The following ZNF124 variants were observed in gnomAD, a reference collection of about 807,000 sequenced individuals.
ZNF124 encodes zinc finger protein 124.
Under a neutral mutation model 26.6 loss-of-function variants are expected in ZNF124, and 25 were observed. The observed-to-expected ratio is 0.94, with a 90% CI of 0.68 to 1.31. The LOEUF is 1.31. Ranked by LOEUF, ZNF124 falls within the 40% of genes most tolerant of loss-of-function variation. The pLI is 0.00. For missense variants in ZNF124, 444 were observed against 422.2 expected, an observed-to-expected ratio of 1.05 and a Z score of -0.45; for synonymous variants, 129 against 133.3, an observed-to-expected ratio of 0.97 and a Z score of 0.22.
chr1:247,128,616 T>C (rs187385471), intron 3 of ZNF124, among the ~76,000 whole-genome samples: 17 of 151,360 alleles, frequency 1.1e-4, no homozygotes, highest in African/African-American at 3.6e-4. Flanking sequence ...CCACTAGGAC[T>C]TAGATTTTTT....
In ZNF124 at chr1:247,128,878, C is replaced by CCCG. The variant is rs1672281734; in HGVS notation, c.219-5008_219-5007insCGG. ...GAGGGTGGGCATTGAGTACTTCCCC[C>CCCG]AGCAGGATGGGGTGGGAGGATTCAG... On this transcript the variant is annotated intron_variant, in intron 3 of 3. Coordinates refer to the ZNF124 transcript ENST00000472531. Among the ~76,000 whole-genome samples, 5 of 131,434 alleles carry CCCG rather than the reference C, an allele frequency of 3.8e-5. 1 individual carries two copies. Among genetic ancestry groups the CCCG allele is most frequent in the Non-Finnish European group, 6.9e-5 (4 of 58,350 alleles). The allele number at this position is 131,434 out of a possible 152,430, so 86.2% of individuals were successfully genotyped here. A position where few individuals can be genotyped will look rare whatever the true frequency, so the allele number is the denominator to read the frequency against.
intron 3 of ZNF124, chr1:247,138,870 G>A: frequency 2.5e-6 from 1 of 396,348 alleles, no homozygotes. Context: ...GGGCAAACCT[G>A]CCTTCCGTTC....
chr1:247,166,173 T>C (rs2103134778), intron 1 of ZNF124, among the ~76,000 whole-genome samples: 1 of 152,188 alleles, frequency 6.6e-6, no homozygotes, highest in East Asian at 1.9e-4. Flanking sequence ...AGCAAGACAC[T>C]GCCTCAAAAA....
intron 3 of ZNF124, among the ~76,000 whole-genome samples, chr1:247,142,292 C>T (rs1672648867): frequency 6.6e-6 from 1 of 152,106 alleles, no homozygotes; most frequent in Non-Finnish European, 1.5e-5. Flanking sequence ...AATAACAGAA[C>T]CTGTGGTGGT....
chr1:247,151,964 AAT>A (rs1354468358), downstream of ZNF124, among the ~76,000 whole-genome samples: 1 of 152,058 alleles, frequency 6.6e-6, no homozygotes, highest in African/African-American at 2.4e-5. Flanking sequence ...GTTAGAGATC[AAT>A]ATAGTGTCCA....
chr1:247,139,380 T>G (rs1377079694), intron 3 of ZNF124, among the ~76,000 whole-genome samples: 1 of 152,238 alleles, frequency 6.6e-6, no homozygotes, highest in Non-Finnish European at 1.5e-5. Flanking sequence ...CTCCATCTCT[T>G]TATTTTGATC....
chr1:247,162,513 C>T (rs1337038649), intron 1 of ZNF124, among the ~76,000 whole-genome samples: 2 of 151,068 alleles, frequency 1.3e-5, no homozygotes, highest in Non-Finnish European at 1.5e-5. Context: ...TCTAGGTTTG[C>T]GTAAGTACAC....
At position 247,157,089 on chromosome 1, in the gene ZNF124, T is replaced by A; in HGVS notation, c.533A>T (p.Tyr178Phe). The A allele has an allele frequency of 6.2e-7, 1 of 1,614,226 alleles. No homozygotes were observed. The highest frequency in any genetic ancestry group is 8.5e-7 in the Non-Finnish European group (1 of 1,180,040). Residue 178 changes from tyrosine to phenylalanine, a missense_variant, in exon 4 of 4, where the codon TAT (tyrosine) becomes TTT (phenylalanine). Physicochemically the swap from Tyr to Phe is conservative, Grantham distance 22. Coordinates refer to ENST00000543802, the MANE Select transcript of ZNF124 (RefSeq NM_001297568.2). ...GGCTTTCCCACATTGCTTACATTCA[T>A]AGCGTTTTTCTCCAGTGTGAATCCT... ...HKRIHTGEKR[Y>F]ECKQCGKAFS...
intron 3 of ZNF124, among the ~76,000 whole-genome samples, chr1:247,148,718 T>C (rs1558379773): frequency 1.3e-5 from 2 of 152,018 alleles, no homozygotes; most frequent in Non-Finnish European, 2.9e-5. Flanking sequence ...CCCAGCACTT[T>C]TGGAGGCCGA....
Position 247,168,236 on chromosome 1 carries a change from GA to G in ZNF124, c.30+3611del, listed in dbSNP as rs1229649218. 6.6e-6 allele frequency among the ~76,000 whole-genome samples: 1 copy of G among 152,148 alleles called. No homozygotes were observed. The highest frequency in any genetic ancestry group is 2.4e-5 in the African/African-American group (1 of 41,446). Reference sequence around the variant, plus strand: ...CCCAAAGGAAAAGAAGTCATTATATGAAAAAAACACGGCTGGGCGTGGTGGC... The same window carrying G: ...CCCAAAGGAAAAGAAGTCATTATATGAAAAAACACGGCTGGGCGTGGTGGC... On this transcript the variant is annotated intron_variant, in intron 1 of 3. Transcript: ENST00000543802. The surrounding 1 kb of genome is among the most constrained non-coding windows in gnomAD (Gnocchi z 4.0).
intron 3 of ZNF124, among the ~76,000 whole-genome samples, chr1:247,146,907 C>T (rs150302834): frequency 6.6e-6 from 1 of 152,240 alleles, no homozygotes; most frequent in African/African-American, 2.4e-5. Flanking sequence ...CGGGGGGTAG[C>T]TTCTGAGGTT....
exon 4 of ZNF124, chr1:247,123,628 G>C (rs887271006): frequency 2.1e-6 from 1 of 469,792 alleles, no homozygotes; most frequent in Non-Finnish European, 3.8e-6. Context: ...GCATTCTCTG[G>C]AGGCAGTTGT....
chr1:247,154,119 C>CACACACATGTGTG (rs1025704122), downstream of ZNF124, among the ~76,000 whole-genome samples: 2 of 48,692 alleles, frequency 4.1e-5, no homozygotes, highest in Non-Finnish European at 7.0e-5. Context: ...ATATGTGTGA[C>CACACACATGTGTG]ACACACACAC....
chr1:247,136,395 A>G (rs574776025), intron 3 of ZNF124, among the ~76,000 whole-genome samples: 1 of 152,264 alleles, frequency 6.6e-6, no homozygotes, highest in African/African-American at 2.4e-5. Flanking sequence ...CCCATTCACA[A>G]TCACTACAAA....
intron 3 of ZNF124, among the ~76,000 whole-genome samples, chr1:247,147,917 T>TGGTGAACCCTGCCCAAGCCCTGTCAGTGA (rs1241298871): frequency 1.4e-4 from 22 of 152,338 alleles, no homozygotes; most frequent in Middle Eastern, 3.4e-3. Flanking sequence ...TCTGCTTTCA[T>TGGTGAACCCTGCCCAAGCCCTGTCAGTGA]GGTGAACCCT....
rs539779349 is a variant in ZNF124 at position 247,144,582 on chromosome 1, A to C, written c.218+14424T>G. Among the ~76,000 whole-genome samples the C allele has an allele frequency of 2.6e-5, 4 of 151,780 alleles. No individual in the cohort carries two copies. The East Asian group carries it at 7.8e-4, about 30-fold the overall frequency. ...CACTTTTGAGGTGGGTGTCAGCTAAAAGCTTGCTACAGAGCTCCTGTCAAG... is the reference window on the plus strand; with the variant it reads ...CACTTTTGAGGTGGGTGTCAGCTAACAGCTTGCTACAGAGCTCCTGTCAAG... On this transcript the variant is annotated intron_variant, in intron 3 of 3. Coordinates refer to the ZNF124 transcript ENST00000472531.
At chr1:247,132,709 G>A (rs1038249165) in intron 3 of ZNF124, among the ~76,000 whole-genome samples, 4 of 152,192 alleles carry the variant, frequency 2.6e-5, no homozygotes, top group Non-Finnish European at 5.9e-5. Flanking sequence ...TGACCTAACC[G>A]GTTGTGTTAT....
chr1:247,160,599 C>T (rs894676730), intron 1 of ZNF124, among the ~76,000 whole-genome samples: 1 of 152,154 alleles, frequency 6.6e-6, no homozygotes, highest in Non-Finnish European at 1.5e-5. Context: ...AATAGTTTAT[C>T]TAAACAATCT....
intron 3 of ZNF124, among the ~76,000 whole-genome samples, chr1:247,144,962 A>G (rs1411808101): frequency 2.0e-5 from 3 of 151,660 alleles, no homozygotes; most frequent in Admixed American, 1.3e-4. Flanking sequence ...TTTTAGTAGA[A>G]CCGGGGTTTC....
Sources: gnomAD v4.1 joint callset for allele counts (sites outside exome capture counted in the v4.1 genomes callset) on GRCh38, gnomAD v4.1.1 for gene constraint, Gnocchi (gnomAD v3.1) non-coding constraint, MANE v1.5 for transcripts, NCBI Gene and HGNC (gene_info 2026-07-23, HGNC 2026-07-21) for gene names.